HIVEP3: variants seen among roughly 807,000 people sequenced by gnomAD.
The protein encoded by HIVEP3 is HIVEP zinc finger 3.
HIVEP3 carries 49 observed loss-of-function variants against 152.8 expected under a neutral mutation model. The observed-to-expected ratio is 0.32, with a 90% CI of 0.26 to 0.41. The LOEUF is 0.41. Ranked by LOEUF, HIVEP3 falls within the 10% of genes least tolerant of loss-of-function variation. The pLI, the probability that HIVEP3 is intolerant of heterozygous loss-of-function variation, is 1.00. For synonymous variants in HIVEP3, 1,269 were observed against 1,289.0 expected (o/e 0.98, Z 0.33); for missense variants, 2,790 against 3,103.3 (o/e 0.90, Z 2.40).
rs187042433 is a variant in HIVEP3, at chr1:41,736,955, G to T, written c.-800-35960C>A. On this transcript the variant is annotated intron_variant, in intron 1 of 8. Coordinates refer to ENST00000372583, the MANE Select transcript of HIVEP3 (RefSeq NM_024503.5). ...AGTCACTCCAGGGCTGACTCTTCAGGCTCCAGCCACCACCTACCCCTTCTT... is the reference window on the plus strand; with the variant it reads ...AGTCACTCCAGGGCTGACTCTTCAGTCTCCAGCCACCACCTACCCCTTCTT... Among the ~76,000 whole-genome samples the T allele has an allele frequency of 4.5e-4, 68 of 152,228 alleles. No individual in the cohort carries two copies. The East Asian group carries it at 0.012, about 27-fold the overall frequency.
At chr1:41,983,363 C>T (rs1369491910) in intron 1 of HIVEP3, among the ~76,000 whole-genome samples, 1 of 152,174 alleles carries the variant, frequency 6.6e-6, no homozygotes, top group African/African-American at 2.4e-5. Flanking sequence ...TCAAATTTAA[C>T]AAGCGCAAAC....
At chr1:42,029,040 A>C (rs2124539806) in intron 1 of HIVEP3, among the ~76,000 whole-genome samples, 1 of 152,360 alleles carries the variant, frequency 6.6e-6, no homozygotes, top group East Asian at 1.9e-4. Flanking sequence ...ATTTTTTACA[A>C]GAAAAAACAC....
At chr1:41,803,533 T>A (rs1650424701) in intron 1 of HIVEP3, among the ~76,000 whole-genome samples, 1 of 152,218 alleles carries the variant, frequency 6.6e-6, no homozygotes, top group South Asian at 2.1e-4. Context: ...GCATTGCTTT[T>A]CCTGTGGCCC....
At chr1:41,526,176 G>A (rs1196932086) in intron 5 of HIVEP3, among the ~76,000 whole-genome samples, 1 of 151,820 alleles carries the variant, frequency 6.6e-6, no homozygotes, top group Non-Finnish European at 1.5e-5. Context: ...GCTTGGAAGA[G>A]GGGACTTGAG....
chr1:41,893,523 C>T (rs1193926009), intron 1 of HIVEP3, among the ~76,000 whole-genome samples: 1 of 150,076 alleles, frequency 6.7e-6, no homozygotes, highest in Non-Finnish European at 1.5e-5. Flanking sequence ...CCTACAATGC[C>T]CAGGACAGCT....
chr1:41,568,500 G>A (rs1644203423), intron 5 of HIVEP3, among the ~76,000 whole-genome samples: 1 of 152,244 alleles, frequency 6.6e-6, no homozygotes, highest in South Asian at 2.1e-4. Flanking sequence ...CGGCGTAGGA[G>A]CGGCAGGGTG....
intron 1 of HIVEP3, among the ~76,000 whole-genome samples, chr1:41,709,689 G>A (rs1381495307): frequency 6.6e-6 from 1 of 152,188 alleles, no homozygotes; most frequent in Non-Finnish European, 1.5e-5. Flanking sequence ...GTAGATAATT[G>A]GAGTCTTAGG....
chr1:41,866,940 T>A (rs186365529), intron 1 of HIVEP3, among the ~76,000 whole-genome samples: 18 of 152,314 alleles, frequency 1.2e-4, no homozygotes, highest in African/African-American at 4.1e-4. Flanking sequence ...AGGATACCTA[T>A]GACAGAAAGA....
chr1:41,572,395 C>T (rs544275162), intron 5 of HIVEP3, among the ~76,000 whole-genome samples: 1 of 149,102 alleles, frequency 6.7e-6, no homozygotes, highest in African/African-American at 2.5e-5. Context: ...GGGCAGCGTA[C>T]CCTTCCTCTC....
chr1:41,530,621 C>T (rs760024640), intron 5 of HIVEP3, among the ~76,000 whole-genome samples: 62 of 152,310 alleles, frequency 4.1e-4, no homozygotes, highest in African/African-American at 1.5e-3. Flanking sequence ...GCTCCCCTCC[C>T]GCCACCACCT....
chr1:41,814,194 G>A (rs764554432), intron 1 of HIVEP3, among the ~76,000 whole-genome samples: 2 of 152,218 alleles, frequency 1.3e-5, no homozygotes, highest in Non-Finnish European at 2.9e-5. Context: ...CGTCATGTCT[G>A]TGAGGCTTGT....
At chr1:42,002,607 A>C (rs1200619806) in intron 1 of HIVEP3, among the ~76,000 whole-genome samples, 2 of 152,202 alleles carry the variant, frequency 1.3e-5, no homozygotes, top group African/African-American at 4.8e-5. Context: ...TTTAAGATAT[A>C]GATGCCAGGC....
intron 3 of HIVEP3, among the ~76,000 whole-genome samples, chr1:41,593,660 C>G (rs1009581778): frequency 8.5e-5 from 13 of 152,232 alleles, no homozygotes; most frequent in Non-Finnish European, 1.5e-4. Context: ...AACCTCCTGC[C>G]TATCTGGAAT....
intron 1 of HIVEP3, among the ~76,000 whole-genome samples, chr1:41,794,545 T>TG (rs1313460679): frequency 6.6e-6 from 1 of 152,160 alleles, no homozygotes; most frequent in Non-Finnish European, 1.5e-5. Flanking sequence ...CTCTTAACAG[T>TG]GGTTGTTTAC....
At chr1:41,896,598 G>A (rs751258273) in intron 1 of HIVEP3, among the ~76,000 whole-genome samples, 43 of 147,538 alleles carry the variant, frequency 2.9e-4, no homozygotes, top group South Asian at 4.3e-4. Context: ...TTTTTGAGAC[G>A]GAGTGTCACT....
chr1:41,848,233 A>G (rs1243779856), intron 1 of HIVEP3: 2 of 152,206 alleles, frequency 1.3e-5, no homozygotes, highest in African/African-American at 4.8e-5. Flanking sequence ...GTCTCTTCTC[A>G]TAGTATCCAA....
At chr1:41,974,216 C>A (rs1210583480) in intron 1 of HIVEP3, among the ~76,000 whole-genome samples, 1 of 151,990 alleles carries the variant, frequency 6.6e-6, no homozygotes, top group Admixed American at 6.6e-5. Context: ...AGAGCTCAGG[C>A]AGACTAATAA....
chr1:41,800,568 C>A (rs569736709), intron 1 of HIVEP3, among the ~76,000 whole-genome samples: 2 of 152,342 alleles, frequency 1.3e-5, no homozygotes, highest in East Asian at 1.9e-4. Context: ...AGAGAACCAC[C>A]CAGCCAGAAT....
At chr1:41,564,561 G>T (rs1644132506) in intron 5 of HIVEP3, among the ~76,000 whole-genome samples, 1 of 152,170 alleles carries the variant, frequency 6.6e-6, no homozygotes, top group African/African-American at 2.4e-5. Context: ...GAAGGCAACA[G>T]GACTGAGAAT....
Sources: allele counts gnomAD v4.1 joint callset (sites outside exome capture counted in the v4.1 genomes callset), GRCh38; gene constraint gnomAD v4.1.1; transcripts MANE v1.5; gene names NCBI Gene and HGNC (gene_info 2026-07-23, HGNC 2026-07-21).